Variants in SNTG2 observed in about 807,000 individuals in gnomAD.
SNTG2 encodes gamma-2-syntrophin.
In SNTG2, 74 loss-of-function variants were observed where a neutral mutation model predicts 70.9. The observed-to-expected ratio is 1.04, with a 90% confidence interval of 0.86 to 1.27. SNTG2 has a LOEUF of 1.27. Ranked by LOEUF, SNTG2 falls within the 50% of genes most tolerant of loss-of-function variation. The probability of loss-of-function intolerance (pLI) is 0.00; values close to 1 mark genes in which losing one functional copy is unlikely to be tolerated. For synonymous variants in SNTG2, 278 were observed against 273.8 expected, an observed-to-expected ratio of 1.02 and a Z score of -0.15; for missense variants, 717 against 690.7, an observed-to-expected ratio of 1.04 and a Z score of -0.43.
intron 16 of SNTG2, among the ~76,000 whole-genome samples, chr2:1,329,051 AG>A (rs1185977089): frequency 6.6e-6 from 1 of 152,168 alleles, no homozygotes; most frequent in Non-Finnish European, 1.5e-5. Flanking sequence ...TCCTTTTATA[AG>A]GTATTAGCTG....
chr2:1,148,298 G>C (rs1482899345), intron 6 of SNTG2, among the ~76,000 whole-genome samples: 2 of 152,140 alleles, frequency 1.3e-5, no homozygotes, highest in Non-Finnish European at 2.9e-5. Flanking sequence ...AGAGGGCCTG[G>C]CCCACTCCTT....
rs201309727 is a variant in SNTG2 at position 1,290,595 on chromosome 2, T to A, written c.1285-17899T>A. Among the ~76,000 whole-genome samples the A allele has an allele frequency of 5.9e-5, 9 of 152,280 alleles. No individual in the cohort carries two copies. The East Asian group carries it at 1.5e-3, about 26-fold the overall frequency. ...TCCCAAAGTGCTGGGATTACAGGTG[T>A]GAGCCACTGCACCCAGCTGAGAAGT... On this transcript the variant is annotated intron_variant, in intron 14 of 16. Coordinates refer to ENST00000308624, the MANE Select transcript of SNTG2 (RefSeq NM_018968.4).
chr2:1,050,091 T>G (rs2148076224), intron 1 of SNTG2, among the ~76,000 whole-genome samples: 1 of 152,346 alleles, frequency 6.6e-6, no homozygotes, highest in African/African-American at 2.4e-5. Context: ...CTTTACATGT[T>G]ATATGTATGA....
chr2:1,228,459 C>T (rs1675951700), intron 9 of SNTG2, among the ~76,000 whole-genome samples: 1 of 152,206 alleles, frequency 6.6e-6, no homozygotes, highest in Non-Finnish European at 1.5e-5. Context: ...TCCATGCCTG[C>T]ACACCCAGGC....
At chr2:1,266,941 C>T (rs1349098135) in intron 13 of SNTG2, among the ~76,000 whole-genome samples, 1 of 151,668 alleles carries the variant, frequency 6.6e-6, no homozygotes, top group Non-Finnish European at 1.5e-5. Flanking sequence ...TTTATTTATT[C>T]ATTTATTTTT....
At chr2:1,303,613 G>A (rs567589399) in intron 14 of SNTG2, among the ~76,000 whole-genome samples, 2 of 152,198 alleles carry the variant, frequency 1.3e-5, no homozygotes, top group African/African-American at 2.4e-5. Flanking sequence ...AGGAAGAGCA[G>A]ATATCAGTAA....
At chr2:1,065,194 T>G (rs899818072) in intron 1 of SNTG2, among the ~76,000 whole-genome samples, 3 of 152,162 alleles carry the variant, frequency 2.0e-5, no homozygotes, top group Non-Finnish European at 4.4e-5. Flanking sequence ...CTGAGGCCCC[T>G]GCCCACTGAC....
chr2:1,322,574 G>A (rs1681580972), intron 16 of SNTG2, among the ~76,000 whole-genome samples: 1 of 152,112 alleles, frequency 6.6e-6, no homozygotes, highest in Non-Finnish European at 1.5e-5. Flanking sequence ...TCTGGTACCA[G>A]ATTCAACTCC....
chr2:1,202,463 G>A (rs66753256), intron 8 of SNTG2, among the ~76,000 whole-genome samples: 7,840 of 140,388 alleles, frequency 0.056, 307 homozygotes, highest in East Asian at 0.22. Flanking sequence ...AAAGAGGATC[G>A]TGAAAAAAAA....
At chr2:1,196,143 A>G (rs1672895245) in intron 8 of SNTG2, among the ~76,000 whole-genome samples, 1 of 152,174 alleles carries the variant, frequency 6.6e-6, no homozygotes. Context: ...TTTTGATAAT[A>G]CCACAAAATT....
intron 8 of SNTG2, among the ~76,000 whole-genome samples, chr2:1,189,989 G>T (rs955284530): frequency 3.9e-5 from 6 of 152,044 alleles, no homozygotes; most frequent in African/African-American, 1.4e-4. Context: ...AAACCTTTGG[G>T]AAGAAAATCA....
intron 14 of SNTG2, among the ~76,000 whole-genome samples, chr2:1,301,289 C>T (rs953921956): frequency 5.3e-5 from 8 of 152,262 alleles, no homozygotes; most frequent in South Asian, 4.2e-4. Flanking sequence ...CTGCTTACCC[C>T]GCGCCCTGCT....
At chr2:1,196,572 G>A (rs1330741575) in intron 8 of SNTG2, among the ~76,000 whole-genome samples, 5 of 152,086 alleles carry the variant, frequency 3.3e-5, no homozygotes, top group Non-Finnish European at 7.4e-5. Context: ...TCATCGTATA[G>A]TATGGTCAAA....
At chr2:991,407 A>ACACACACACACACACT (rs1553305482) in intron 1 of SNTG2, among the ~76,000 whole-genome samples, 25 of 151,122 alleles carry the variant, frequency 1.7e-4, no homozygotes, top group Non-Finnish European at 1.6e-4. Flanking sequence ...ACACACACAC[A>ACACACACACACACACT]ATTATGACTT....
Position 1,158,079 on chromosome 2 carries a change from A to G in SNTG2, c.412-7469A>G, listed in dbSNP as rs545962433. Reference sequence around the variant, plus strand: ...GCTCATGGTGATTAGTAGATTCAGCATCATGCTCAAAGGGCCCAGTTGCAT... The same window carrying G: ...GCTCATGGTGATTAGTAGATTCAGCGTCATGCTCAAAGGGCCCAGTTGCAT... On this transcript the variant is annotated intron_variant, in intron 6 of 16. Coordinates refer to ENST00000308624, the MANE Select transcript of SNTG2 (RefSeq NM_018968.4). Among the ~76,000 whole-genome samples the G allele has an allele frequency of 1.0e-3, 158 of 152,326 alleles. 3 individuals are homozygous for G. In the South Asian group the frequency reaches 0.021, roughly 20 times the overall value.
intron 9 of SNTG2, among the ~76,000 whole-genome samples, chr2:1,222,027 GCCTA>G (rs1553312279): frequency 0.034 from 201 of 5,988 alleles, 49 homozygotes; most frequent in Non-Finnish European, 0.057. Context: ...CTCTGTCTCT[GCCTA>G]TCTCTGTCTC....
intron 1 of SNTG2, among the ~76,000 whole-genome samples, chr2:963,129 T>G (rs899359418): frequency 4.6e-5 from 7 of 151,172 alleles, no homozygotes; most frequent in South Asian, 2.1e-4. Context: ...TGATTTGAGC[T>G]TTTTTTAAAA....
At chr2:1,115,022 A>C (rs931903637) in intron 4 of SNTG2, among the ~76,000 whole-genome samples, 4 of 151,780 alleles carry the variant, frequency 2.6e-5, no homozygotes, top group Non-Finnish European at 5.9e-5. Context: ...GATCGTGTGT[A>C]CTAAGTGAGG....
chr2:1,308,401 T>G, intron 14 of SNTG2, 93 bp from the exon 15 acceptor site: 2 of 1,195,506 alleles, frequency 1.7e-6, no homozygotes, highest in Non-Finnish European at 2.4e-6. Context: ...TTTTATAATT[T>G]TTGACCAAAG....
Sources: gnomAD v4.1 joint callset for allele counts (sites outside exome capture counted in the v4.1 genomes callset) on GRCh38, gnomAD v4.1.1 for gene constraint, MANE v1.5 for transcripts, NCBI Gene and HGNC (gene_info 2026-07-23, HGNC 2026-07-21) for gene names.